ST8SIA2: variants seen among roughly 807,000 people sequenced by gnomAD.
ST8SIA2 encodes the protein alpha-2,8-sialyltransferase 8B.
A neutral mutation model predicts 37.6 loss-of-function variants in ST8SIA2; 22 were observed. The ratio of observed to expected loss-of-function variants is 0.58; its 90% CI spans 0.42 to 0.83. The LOEUF is 0.83. Ranked by LOEUF, ST8SIA2 falls within the 40% of genes least tolerant of loss-of-function variation. The pLI is 0.00. For synonymous variants in ST8SIA2, 205 were observed against 201.2 expected, an observed-to-expected ratio of 1.02 and a Z score of -0.16; for missense variants, 382 against 484.7, an observed-to-expected ratio of 0.79 and a Z score of 1.99.
intron 5 of ST8SIA2, among the ~76,000 whole-genome samples, chr15:92,447,421 C>G (rs1339543526): frequency 6.6e-6 from 1 of 152,182 alleles, no homozygotes; most frequent in Admixed American, 6.5e-5. Flanking sequence ...GTATATCCTA[C>G]CACACTCCTG....
chr15:92,413,527 CCCT>C (rs999394931), intron 1 of ST8SIA2, among the ~76,000 whole-genome samples: 10 of 152,148 alleles, frequency 6.6e-5, no homozygotes, highest in African/African-American at 2.2e-4. Flanking sequence ...TGTCCCATTT[CCCT>C]CCTCCTCCCG....
intron 5 of ST8SIA2, among the ~76,000 whole-genome samples, chr15:92,445,973 A>G (rs957248517): frequency 1.3e-5 from 2 of 152,250 alleles, no homozygotes; most frequent in Admixed American, 6.5e-5. Context: ...AGCAGCCACA[A>G]GAAAAATAGT....
chr15:92,417,077 A>G (rs1308033681), intron 1 of ST8SIA2, among the ~76,000 whole-genome samples: 1 of 152,252 alleles, frequency 6.6e-6, no homozygotes, highest in Non-Finnish European at 1.5e-5. Context: ...CAATACTGCA[A>G]CTAACATCCA....
intron 3 of ST8SIA2, among the ~76,000 whole-genome samples, chr15:92,434,858 T>C (rs900167577): frequency 2.6e-5 from 4 of 152,132 alleles, no homozygotes; most frequent in African/African-American, 9.7e-5. Flanking sequence ...CCTAGAGCCA[T>C]AGGGGCATCC....
intron 1 of ST8SIA2, chr15:92,420,752 C>T (rs1269268218): frequency 3.3e-5 from 5 of 152,342 alleles, no homozygotes; most frequent in Admixed American, 6.5e-5. Context: ...CACCCTCAGA[C>T]GCCCAATACC....
intron 1 of ST8SIA2, among the ~76,000 whole-genome samples, chr15:92,403,836 C>T (rs962725761): frequency 6.6e-6 from 1 of 152,144 alleles, no homozygotes; most frequent in Non-Finnish European, 1.5e-5. Context: ...AAATTGTATG[C>T]TAATCAAAAC....
intron 1 of ST8SIA2, chr15:92,421,242 A>G (rs2049631772): frequency 1.3e-5 from 2 of 152,178 alleles, no homozygotes; most frequent in Non-Finnish European, 2.9e-5. Flanking sequence ...TCTCCCTGCT[A>G]GAACCGTAAC....
chr15:92,399,294 A>G (rs1353250940), intron 1 of ST8SIA2, among the ~76,000 whole-genome samples: 1 of 152,238 alleles, frequency 6.6e-6, no homozygotes, highest in Non-Finnish European at 1.5e-5. Context: ...TCCAGCACCA[A>G]CCTGTTAGAA....
intron 4 of ST8SIA2, 43 bp from the exon 5 acceptor site, chr15:92,444,593 C>T (rs371141842): frequency 1.2e-6 from 2 of 1,613,724 alleles, no homozygotes; most frequent in Non-Finnish European, 1.7e-6. Context: ...AGGAAGGGGT[C>T]TCAGCTTTCC....
intron 1 of ST8SIA2, among the ~76,000 whole-genome samples, chr15:92,411,499 G>T (rs1259532194): frequency 2.0e-5 from 3 of 152,230 alleles, no homozygotes; most frequent in Non-Finnish European, 4.4e-5. Context: ...CAGGACATCA[G>T]AGGGGAAGCT....
At chr15:92,445,152 C>A in intron 5 of ST8SIA2, 1 of 649,114 alleles carries the variant, frequency 1.5e-6, no homozygotes, top group Non-Finnish European at 2.7e-6. Flanking sequence ...ATGGGTAGTG[C>A]CTGCCTAGGG....
At chr15:92,432,909 A>G (rs950283047) in intron 2 of ST8SIA2, among the ~76,000 whole-genome samples, 1 of 152,128 alleles carries the variant, frequency 6.6e-6, no homozygotes, top group Non-Finnish European at 1.5e-5. Flanking sequence ...AGGCAGGCAA[A>G]TCTCCTGAGG....
chr15:92,407,640 T>A (rs2049518352), intron 1 of ST8SIA2, among the ~76,000 whole-genome samples: 1 of 152,080 alleles, frequency 6.6e-6, no homozygotes, highest in African/African-American at 2.4e-5. Flanking sequence ...CACTCTCAGT[T>A]ATAAAAAGCA....
intron 1 of ST8SIA2, among the ~76,000 whole-genome samples, chr15:92,403,350 G>T (rs941467759): frequency 6.6e-6 from 1 of 152,092 alleles, no homozygotes; most frequent in Non-Finnish European, 1.5e-5. Flanking sequence ...CCTGCCCTGG[G>T]CCTCCTACAC....
chr15:92,408,113 A>C (rs1472906729), intron 1 of ST8SIA2, among the ~76,000 whole-genome samples: 1 of 152,154 alleles, frequency 6.6e-6, no homozygotes, highest in African/African-American at 2.4e-5. Context: ...AACCATTTAT[A>C]ACTGTGTCTG....
chr15:92,394,290 C>A (rs1396494051), intron 1 of ST8SIA2, 128 bp downstream of exon 1: 3 of 887,616 alleles, frequency 3.4e-6, no homozygotes, highest in African/African-American at 1.7e-5. Flanking sequence ...GAGATGGGGA[C>A]GGTTTGGCAG....
At chr15:92,463,975 G>A (rs2049973977) in intron 5 of ST8SIA2, 125 bp from the exon 6 acceptor site, 2 of 1,350,324 alleles carry the variant, frequency 1.5e-6, no homozygotes. Flanking sequence ...GGGATGTGTA[G>A]CTTGATCGGT....
At chr15:92,399,804 C>A (rs1034568042) in intron 1 of ST8SIA2, among the ~76,000 whole-genome samples, 1 of 152,186 alleles carries the variant, frequency 6.6e-6, no homozygotes, top group Non-Finnish European at 1.5e-5. Context: ...CCTCTTTCCC[C>A]CTGTAAGGCA....
intron 5 of ST8SIA2, among the ~76,000 whole-genome samples, chr15:92,453,269 A>G (rs2049896272): frequency 6.6e-6 from 1 of 152,148 alleles, no homozygotes; most frequent in South Asian, 2.1e-4. Flanking sequence ...GACCACAGAG[A>G]GACCTCTCTG....
Sources: allele counts gnomAD v4.1 joint callset (sites outside exome capture counted in the v4.1 genomes callset), GRCh38; gene constraint gnomAD v4.1.1; transcripts MANE v1.5; gene names NCBI Gene and HGNC (gene_info 2026-07-23, HGNC 2026-07-21).